Variants in PITPNB observed in about 807,000 individuals in gnomAD.
PITPNB encodes the protein phosphatidylinositol transfer protein beta isoform.
Under a neutral mutation model 45.9 loss-of-function variants are expected in PITPNB, and 16 were observed. The ratio of observed to expected loss-of-function variants is 0.35; its 90% CI spans 0.24 to 0.53. The LOEUF (loss-of-function observed/expected upper bound fraction) is 0.53, where lower values mean the gene tolerates loss of function less well. Ranked by LOEUF, PITPNB falls within the 20% of genes least tolerant of loss-of-function variation. The pLI, the probability that PITPNB is intolerant of heterozygous loss-of-function variation, is 0.93. For missense variants in PITPNB, 188 were observed against 330.5 expected (o/e 0.57, Z 3.34); for synonymous variants, 112 against 108.9 (o/e 1.03, Z -0.18).
rs1934236469 is a variant in PITPNB, at chr22:27,858,622, A to C, written c.646-113T>G. 3 of 714,672 alleles carry C rather than the reference A, an allele frequency of 4.2e-6. No homozygotes were observed. In the Admixed American group the frequency reaches 8.8e-5, roughly 21 times the overall value. The allele number at this position is 714,672 out of a possible 1,614,324, so 44.3% of individuals were successfully genotyped here. On this transcript the variant is annotated intron_variant, in intron 9 of 11. Transcript: ENST00000335272. ...TGAAATTTACACATTTGGTTCAAAA[A>C]GACTACTCTGTAGATTTGTGGAAAT...
At position 27,914,357 on chromosome 22, in the gene PITPNB, CA is replaced by C; in HGVS notation, c.21-11del. On this transcript the variant is annotated splice_polypyrimidine_tract_variant and intron_variant, in intron 1 of 11. Transcript: ENST00000335272. ...TGGCAAAACCACACGGCTAAAAAGA[CA>C]AAAGAAAAAATATATATATTACATA... 1 of 1,558,192 alleles carries C rather than the reference CA, an allele frequency of 6.4e-7. No homozygotes were observed. Among genetic ancestry groups the C allele is most frequent in the Non-Finnish European group, 8.8e-7 (1 of 1,133,814 alleles).
chr22:27,861,124 A>G (rs901121415), intron 8 of PITPNB, among the ~76,000 whole-genome samples: 6 of 151,198 alleles, frequency 4.0e-5, no homozygotes, highest in South Asian at 4.2e-4. Flanking sequence ...TGAGGTCAGG[A>G]GTTCGAGACC....
chr22:27,854,922 G>A lies in PITPNB; in HGVS notation c.786C>T (p.Ser262=), dbSNP rs1023703905. The change falls in exon 11 of 12, where the codon TCC becomes TCT. Residue 262 remains serine (S), a synonymous_variant. Transcript: ENST00000335272. ...CATCAGCAGCCGACGTGCCTCGAAC[G>A]GAACCCCTCTTACGCATCTAAACGT... ...KELETMRKRG[S]VRGTSAADV 300 of 1,613,310 alleles carry A rather than the reference G, an allele frequency of 1.9e-4. 1 individual carries two copies. In the East Asian group the frequency reaches 5.7e-3, roughly 31 times the overall value.
At chr22:27,915,846 G>GT (rs1476589225) in intron 1 of PITPNB, among the ~76,000 whole-genome samples, 1 of 152,156 alleles carries the variant, frequency 6.6e-6, no homozygotes, top group Non-Finnish European at 1.5e-5. Flanking sequence ...GAATACTATG[G>GT]TAAGAAATCC....
At chr22:27,857,050 T>C (rs1355863870) in intron 10 of PITPNB, among the ~76,000 whole-genome samples, 1 of 152,062 alleles carries the variant, frequency 6.6e-6, no homozygotes, top group East Asian at 1.9e-4. Flanking sequence ...AGACTAAAAA[T>C]AAGGAATGAG....
chr22:27,907,317 G>C (rs1211693738), intron 3 of PITPNB, among the ~76,000 whole-genome samples: 2 of 152,126 alleles, frequency 1.3e-5, no homozygotes, highest in Non-Finnish European at 2.9e-5. Flanking sequence ...GAACAGTGAA[G>C]GCCTCAGCAC....
At chr22:27,897,253 G>C in intron 4 of PITPNB, 116 bp from the exon 5 acceptor site, 2 of 781,828 alleles carry the variant, frequency 2.6e-6, no homozygotes, top group East Asian at 4.9e-5. Context: ...TCTGAAAACA[G>C]AACATTTATT....
chr22:27,890,497 A>C (rs949578525), intron 7 of PITPNB, among the ~76,000 whole-genome samples: 6 of 151,992 alleles, frequency 3.9e-5, no homozygotes, highest in Non-Finnish European at 8.8e-5. Flanking sequence ...AAGAGGTAGA[A>C]AAAACCCAAA....
intron 4 of PITPNB, 37 bp downstream of exon 4, chr22:27,897,764 G>T (rs768525132): frequency 2.3e-6 from 3 of 1,284,418 alleles, no homozygotes; most frequent in Middle Eastern, 1.9e-4. Context: ...CATTCTCAGG[G>T]TGGAGGGGTG....
At chr22:27,900,158 C>T (rs1021680767) in intron 3 of PITPNB, among the ~76,000 whole-genome samples, 1 of 151,394 alleles carries the variant, frequency 6.6e-6, no homozygotes, top group African/African-American at 2.4e-5. Flanking sequence ...TGAGATCATG[C>T]CATTTCACTC....
intron 8 of PITPNB, among the ~76,000 whole-genome samples, chr22:27,871,058 T>C (rs1934646031): frequency 6.6e-6 from 1 of 152,000 alleles, no homozygotes; most frequent in African/African-American, 2.4e-5. Flanking sequence ...GGGGGGAAAA[T>C]GGAAAAAAAC....
At chr22:27,860,057 G>T in intron 9 of PITPNB, 74 bp downstream of exon 9, 1 of 817,298 alleles carries the variant, frequency 1.2e-6, no homozygotes, top group South Asian at 1.5e-5. Flanking sequence ...AGTAATAACA[G>T]AGAAGATATC....
chr22:27,900,232 A>G (rs1935554692), intron 3 of PITPNB, among the ~76,000 whole-genome samples: 2 of 151,966 alleles, frequency 1.3e-5, no homozygotes, highest in African/African-American at 4.8e-5. Context: ...AAAAGAAAGA[A>G]AAAACAAAAA....
intron 2 of PITPNB, among the ~76,000 whole-genome samples, chr22:27,912,692 TGCATACAG>T (rs1935962415): frequency 6.6e-6 from 1 of 151,404 alleles, no homozygotes; most frequent in Non-Finnish European, 1.5e-5. Flanking sequence ...TTTAAAAATG[TGCATACAG>T]GCCTGGCACA....
chr22:27,877,239 G>A (rs1209022957), intron 7 of PITPNB, among the ~76,000 whole-genome samples: 1 of 152,198 alleles, frequency 6.6e-6, no homozygotes, highest in Non-Finnish European at 1.5e-5. Context: ...TAAGGGCTTA[G>A]TAAAACCATC....
intron 8 of PITPNB, among the ~76,000 whole-genome samples, chr22:27,871,345 A>T: frequency 6.6e-6 from 1 of 152,376 alleles, no homozygotes; most frequent in African/African-American, 2.4e-5. Context: ...ATTGTCTTTT[A>T]ATGTTTATAC....
intron 8 of PITPNB, among the ~76,000 whole-genome samples, chr22:27,871,914 G>A (rs889235387): frequency 4.6e-5 from 7 of 151,804 alleles, no homozygotes; most frequent in Non-Finnish European, 1.0e-4. Flanking sequence ...ACGAGATCTG[G>A]CTGTATAAAA....
intron 7 of PITPNB, among the ~76,000 whole-genome samples, chr22:27,888,034 C>T (rs1349040745): frequency 6.6e-6 from 1 of 152,226 alleles, no homozygotes; most frequent in Non-Finnish European, 1.5e-5. Context: ...AGGGAAATCA[C>T]TATTAATGGC....
At chr22:27,916,989 T>A (rs1480696824) in intron 1 of PITPNB, among the ~76,000 whole-genome samples, 2 of 152,184 alleles carry the variant, frequency 1.3e-5, no homozygotes, top group Non-Finnish European at 2.9e-5. Flanking sequence ...TTAGAGCATG[T>A]TAGGCCTAGA....
Sources: gnomAD v4.1 joint callset for allele counts (sites outside exome capture counted in the v4.1 genomes callset) on GRCh38, gnomAD v4.1.1 for gene constraint, MANE v1.5 for transcripts, NCBI Gene and HGNC (gene_info 2026-07-23, HGNC 2026-07-21) for gene names.